Variants in SNTB1 observed in about 807,000 individuals in gnomAD.
SNTB1 encodes beta-1-syntrophin.
SNTB1 carries 36 observed loss-of-function variants against 48.9 expected under a neutral mutation model. That is an observed-to-expected ratio of 0.74 (90% CI 0.56 to 0.97). The LOEUF is 0.97. Among genes scored for constraint, SNTB1 ranks in the 50% least tolerant of loss-of-function variants. SNTB1 has a pLI of 0.00. For missense variants in SNTB1, 786 were observed against 703.4 expected (o/e 1.12, Z -1.33); for synonymous variants, 299 against 294.6 (o/e 1.01, Z -0.15).
In SNTB1 at chr8:120,538,746, C is replaced by G; in HGVS notation, c.*131G>C. On this transcript the variant is annotated 3_prime_UTR_variant, in exon 7 of 7. Transcript: ENST00000517992. ...CAGAGGAGTCTGGGACAGTTACATA[C>G]GACTCTTGAGAGCTAAAGCTGACTG... 1 of 783,768 alleles carries G rather than the reference C, an allele frequency of 1.3e-6. No individual in the cohort carries two copies. Among genetic ancestry groups the G allele is most frequent in the Non-Finnish European group, 2.3e-6 (1 of 437,922 alleles). The allele number at this position is 783,768 out of a possible 1,614,324, so 48.6% of individuals were successfully genotyped here.
chr8:120,560,947 G>A (rs1328925293), intron 4 of SNTB1, among the ~76,000 whole-genome samples: 1 of 152,090 alleles, frequency 6.6e-6, no homozygotes, highest in Admixed American at 6.6e-5. Context: ...TGAACCCACG[G>A]CTATATGACT....
chr8:120,543,241 A>G (rs1281545756), intron 5 of SNTB1, among the ~76,000 whole-genome samples: 1 of 152,164 alleles, frequency 6.6e-6, no homozygotes, highest in African/African-American at 2.4e-5. Context: ...TAAGGATCAG[A>G]TTGGATTTTT....
At chr8:120,560,208 T>C (rs1815629152) in intron 4 of SNTB1, among the ~76,000 whole-genome samples, 1 of 152,128 alleles carries the variant, frequency 6.6e-6, no homozygotes, top group Non-Finnish European at 1.5e-5. Context: ...CTGGGCCGGG[T>C]GCGGTGGCTC....
At chr8:120,548,500 G>A (rs1815420667) in intron 5 of SNTB1, among the ~76,000 whole-genome samples, 2 of 152,148 alleles carry the variant, frequency 1.3e-5, no homozygotes, top group Admixed American at 1.3e-4. Flanking sequence ...CCACCCAGAG[G>A]TTACAGGTAG....
intron 1 of SNTB1, among the ~76,000 whole-genome samples, chr8:120,729,592 T>C (rs576847897): frequency 1.2e-3 from 184 of 152,358 alleles, no homozygotes; most frequent in African/African-American, 4.1e-3. Context: ...CATGCATGCA[T>C]TGATTATTCA....
intron 1 of SNTB1, among the ~76,000 whole-genome samples, chr8:120,729,314 T>C (rs1404177671): frequency 6.6e-6 from 1 of 152,250 alleles, no homozygotes; most frequent in Non-Finnish European, 1.5e-5. Context: ...TTCTGACAGA[T>C]GTGAGATGGT....
At chr8:120,555,284 A>G (rs1815548573) in intron 4 of SNTB1, among the ~76,000 whole-genome samples, 1 of 152,194 alleles carries the variant, frequency 6.6e-6, no homozygotes, top group Admixed American at 6.5e-5. Context: ...GGGGTCTCCG[A>G]GCAGAAAGGA....
chr8:120,746,747 A>G (rs75375895), intron 1 of SNTB1, among the ~76,000 whole-genome samples: 105 of 152,368 alleles, frequency 6.9e-4, no homozygotes, highest in Middle Eastern at 3.4e-3. Context: ...TATTCAGTAT[A>G]ATAAACATTC....
intron 2 of SNTB1, among the ~76,000 whole-genome samples, chr8:120,668,998 T>A (rs1817717498): frequency 6.6e-6 from 1 of 152,154 alleles, no homozygotes; most frequent in Non-Finnish European, 1.5e-5. Flanking sequence ...AGGGGATGAA[T>A]CAGGCTGGGA....
chr8:120,623,442 T>C (rs1335362455), intron 3 of SNTB1, among the ~76,000 whole-genome samples: 1 of 152,184 alleles, frequency 6.6e-6, no homozygotes, highest in Non-Finnish European at 1.5e-5. Flanking sequence ...TGTGAAATTA[T>C]TCAAAGAATC....
At chr8:120,680,603 G>T (rs1817914951) in intron 2 of SNTB1, among the ~76,000 whole-genome samples, 1 of 152,176 alleles carries the variant, frequency 6.6e-6, no homozygotes. Flanking sequence ...GGGTGTCTTT[G>T]TGATGCCCCC....
rs529432029 is a variant in SNTB1 at position 120,586,544 on chromosome 8, C to T, written c.997-11319G>A. On this transcript the variant is annotated intron_variant, in intron 3 of 6. Transcript: ENST00000517992. ...TCACCTTCCCTTGCTTCTGACCCTC[C>T]TGCCTCCCTCTTATAAGGACACTTG... 5.9e-5 allele frequency among the ~76,000 whole-genome samples: 9 copies of T among 152,278 alleles called. No individual in the cohort carries two copies. In the South Asian group the frequency reaches 1.7e-3, roughly 28 times the overall value.
intron 2 of SNTB1, among the ~76,000 whole-genome samples, chr8:120,688,970 G>T (rs1818079828): frequency 6.6e-6 from 1 of 152,182 alleles, no homozygotes; most frequent in South Asian, 2.1e-4. Context: ...AGGGACTAAG[G>T]ATGTGGGCCT....
intron 4 of SNTB1, among the ~76,000 whole-genome samples, chr8:120,557,257 C>T (rs1229896411): frequency 6.6e-6 from 1 of 152,182 alleles, no homozygotes; most frequent in African/African-American, 2.4e-5. Flanking sequence ...TAGATATTGA[C>T]TTCCCCAGGG....
At chr8:120,698,342 T>C (rs937973693) in intron 1 of SNTB1, among the ~76,000 whole-genome samples, 1 of 152,170 alleles carries the variant, frequency 6.6e-6, no homozygotes, top group African/African-American at 2.4e-5. Flanking sequence ...AAATTTTCAA[T>C]TTCAAGGAAT....
At chr8:120,572,825 G>T (rs1411800420) in intron 4 of SNTB1, among the ~76,000 whole-genome samples, 1 of 152,152 alleles carries the variant, frequency 6.6e-6, no homozygotes, top group East Asian at 1.9e-4. Context: ...TGAGGTAGGA[G>T]AATCACTTGA....
intron 1 of SNTB1, among the ~76,000 whole-genome samples, chr8:120,780,871 T>C (rs1255889024): frequency 6.6e-6 from 1 of 152,218 alleles, no homozygotes; most frequent in East Asian, 1.9e-4. Context: ...TAACATACAA[T>C]ATTTTAAGTT....
intron 1 of SNTB1, among the ~76,000 whole-genome samples, chr8:120,770,530 C>T (rs746211801): frequency 4.6e-5 from 7 of 151,736 alleles, no homozygotes; most frequent in Non-Finnish European, 7.4e-5. Context: ...CACACCTTTA[C>T]GCCGGGTGCA....
chr8:120,734,372 G>A (rs978708430), intron 1 of SNTB1, among the ~76,000 whole-genome samples: 5 of 151,766 alleles, frequency 3.3e-5, no homozygotes, highest in Non-Finnish European at 5.9e-5. Context: ...GCTTGAACCC[G>A]GGAGTCAGAG....
Sources: allele counts gnomAD v4.1 joint callset (sites outside exome capture counted in the v4.1 genomes callset), GRCh38; gene constraint gnomAD v4.1.1; transcripts MANE v1.5; gene names NCBI Gene and HGNC (gene_info 2026-07-23, HGNC 2026-07-21).